Variants in NR6A1 observed in about 807,000 individuals in gnomAD.
NR6A1 encodes retinoic acid receptor-related testis-associated receptor.
NR6A1 carries 7 observed loss-of-function variants against 59.1 expected under a neutral mutation model. The observed-to-expected ratio is 0.12, with a 90% CI of 0.07 to 0.22. NR6A1 has a LOEUF of 0.22. Ranked by LOEUF, NR6A1 falls within the 10% of genes least tolerant of loss-of-function variation. NR6A1 has a pLI of 1.00. For missense variants in NR6A1, 468 were observed against 611.6 expected, an observed-to-expected ratio of 0.77 and a Z score of 2.48; for synonymous variants, 243 against 236.1, an observed-to-expected ratio of 1.03 and a Z score of -0.27.
At chr9:124,723,720 C>T (rs1839630938) in intron 2 of NR6A1, among the ~76,000 whole-genome samples, 4 of 152,122 alleles carry the variant, frequency 2.6e-5, no homozygotes, top group Admixed American at 2.6e-4. Context: ...AGCACTATTC[C>T]AAACTTTAAA....
chr9:124,656,697 T>C (rs183421962), intron 2 of NR6A1, among the ~76,000 whole-genome samples: 121 of 152,190 alleles, frequency 8.0e-4, no homozygotes, highest in African/African-American at 2.4e-3. Flanking sequence ...CCAGGCGTGG[T>C]GGTGGGCACC....
chr9:124,728,619 A>G (rs1298587072), intron 2 of NR6A1, among the ~76,000 whole-genome samples: 3 of 149,248 alleles, frequency 2.0e-5, no homozygotes, highest in Admixed American at 6.7e-5. Flanking sequence ...TGGGTGACAG[A>G]GCGAGACTCC....
At chr9:124,592,289 G>C (rs1332044346) in intron 2 of NR6A1, among the ~76,000 whole-genome samples, 2 of 152,112 alleles carry the variant, frequency 1.3e-5, no homozygotes, top group Non-Finnish European at 2.9e-5. Context: ...TTGTTCAAAA[G>C]GGTCATGGTA....
At chr9:124,682,953 C>T (rs1838214630) in intron 2 of NR6A1, among the ~76,000 whole-genome samples, 1 of 152,140 alleles carries the variant, frequency 6.6e-6, no homozygotes, top group Admixed American at 6.5e-5. Flanking sequence ...TGCCTGTAAT[C>T]CCAGCATTCT....
chr9:124,699,177 A>G (rs1838857853), intron 2 of NR6A1, among the ~76,000 whole-genome samples: 1 of 152,218 alleles, frequency 6.6e-6, no homozygotes, highest in African/African-American at 2.4e-5. Context: ...GGTATAGGCC[A>G]AAGTATCCTA....
At chr9:124,688,038 T>A (rs1160578898) in intron 2 of NR6A1, among the ~76,000 whole-genome samples, 1 of 152,174 alleles carries the variant, frequency 6.6e-6, no homozygotes, top group Non-Finnish European at 1.5e-5. Flanking sequence ...ATGGTATAAG[T>A]TGGCTGGGCA....
At chr9:124,729,769 C>A (rs1048579865) in intron 2 of NR6A1, among the ~76,000 whole-genome samples, 1 of 152,090 alleles carries the variant, frequency 6.6e-6, no homozygotes, top group Non-Finnish European at 1.5e-5. Context: ...TCATTTGAAC[C>A]CCAAAACTGG....
chr9:124,703,125 G>C (rs1010229473), intron 2 of NR6A1, among the ~76,000 whole-genome samples: 1 of 151,190 alleles, frequency 6.6e-6, no homozygotes, highest in Non-Finnish European at 1.5e-5. Context: ...AGCTGGTCTC[G>C]AACTCCTGAC....
chr9:124,704,087 T>C (rs2131055097), intron 2 of NR6A1, among the ~76,000 whole-genome samples: 1 of 152,348 alleles, frequency 6.6e-6, no homozygotes, highest in East Asian at 1.9e-4. Context: ...TTCTATTTCC[T>C]CTAGAGTCAG....
At chr9:124,529,404 T>C (rs1833032274) in intron 7 of NR6A1, among the ~76,000 whole-genome samples, 2 of 152,206 alleles carry the variant, frequency 1.3e-5, no homozygotes, top group South Asian at 4.1e-4. Context: ...CCTTTTCATA[T>C]GCATTCTTAC....
chr9:124,691,994 T>C (rs893152286), intron 2 of NR6A1, among the ~76,000 whole-genome samples: 1 of 152,196 alleles, frequency 6.6e-6, no homozygotes, highest in Admixed American at 6.5e-5. Context: ...ACTGGAAACA[T>C]GAAGTCCAGT....
chr9:124,714,566 A>G (rs936299377), intron 2 of NR6A1, among the ~76,000 whole-genome samples: 1 of 152,210 alleles, frequency 6.6e-6, no homozygotes, highest in African/African-American at 2.4e-5. Flanking sequence ...AATAAGAAAA[A>G]TAAATAAGTC....
At chr9:124,755,765 CACTG>C (rs751975810) in intron 1 of NR6A1, among the ~76,000 whole-genome samples, 38 of 152,174 alleles carry the variant, frequency 2.5e-4, no homozygotes, top group Non-Finnish European at 4.6e-4. Context: ...TTTACTTTTA[CACTG>C]ACTGAGTATA....
chr9:124,652,201 T>C (rs1837127212), intron 2 of NR6A1, among the ~76,000 whole-genome samples: 1 of 152,214 alleles, frequency 6.6e-6, no homozygotes, highest in African/African-American at 2.4e-5. Flanking sequence ...AGCAGCTCTA[T>C]TTCCACACTG....
Position 124,733,763 on chromosome 9 carries a change from G to C in NR6A1, c.101-414C>G, listed in dbSNP as rs186099010. The stretch of plus-strand genomic sequence containing the variant: ...ACTGCTAATTCTTTTCCAAAAGAAA[G>C]CAAAGTATGTAAAATATTAACAACA... On this transcript the variant is annotated intron_variant, in intron 1 of 9. Transcript: ENST00000487099. 9.1e-4 allele frequency among the ~76,000 whole-genome samples: 138 copies of C among 152,232 alleles called. No individual in the cohort carries two copies. In the Middle Eastern group the frequency reaches 0.01, roughly 11 times the overall value.
chr9:124,538,051 T>C, intron 6 of NR6A1, 41 bp downstream of exon 6: 1 of 1,548,768 alleles, frequency 6.5e-7, no homozygotes, highest in Non-Finnish European at 8.8e-7. Context: ...GTAGGGACAC[T>C]TTGAGACTGC....
intron 2 of NR6A1, among the ~76,000 whole-genome samples, chr9:124,576,382 G>C (rs1037455610): frequency 6.6e-6 from 1 of 152,124 alleles, no homozygotes; most frequent in African/African-American, 2.4e-5. Flanking sequence ...CCACCTCCCG[G>C]GTTCAAGCGA....
At chr9:124,538,631 T>C (rs147539991) in intron 5 of NR6A1, among the ~76,000 whole-genome samples, 22 of 152,284 alleles carry the variant, frequency 1.4e-4, no homozygotes, top group Admixed American at 5.2e-4. Context: ...TTTTAACAGA[T>C]ACTTGTAGAC....
intron 2 of NR6A1, among the ~76,000 whole-genome samples, chr9:124,645,138 T>A (rs992729060): frequency 6.6e-6 from 1 of 152,114 alleles, no homozygotes; most frequent in African/African-American, 2.4e-5. Flanking sequence ...AGTACAATTG[T>A]TATACTAAGA....
Sources: gnomAD v4.1 joint callset for allele counts (sites outside exome capture counted in the v4.1 genomes callset) on GRCh38, gnomAD v4.1.1 for gene constraint, MANE v1.5 for transcripts, NCBI Gene and HGNC (gene_info 2026-07-23, HGNC 2026-07-21) for gene names.